Variants in NRXN1 observed in about 807,000 individuals in gnomAD.
NRXN1 encodes neurexin-1.
Under a neutral mutation model 150.9 loss-of-function variants are expected in NRXN1, and 39 were observed. The ratio of observed to expected loss-of-function variants is 0.26; its 90% CI spans 0.20 to 0.34. The LOEUF (loss-of-function observed/expected upper bound fraction) is 0.34. Ranked by LOEUF, NRXN1 falls within the 10% of genes least tolerant of loss-of-function variation. The pLI is 1.00. For synonymous variants in NRXN1, 924 were observed against 757.0 expected, an observed-to-expected ratio of 1.22 and a Z score of -3.62; for missense variants, 1,815 against 1,949.9, an observed-to-expected ratio of 0.93 and a Z score of 1.30.
intron 18 of NRXN1, among the ~76,000 whole-genome samples, chr2:50,217,050 C>G (rs190012496): frequency 6.6e-6 from 1 of 152,016 alleles, no homozygotes; most frequent in East Asian, 1.9e-4. Flanking sequence ...TTTCTGTGAT[C>G]GTGGTAAAAC....
intron 5 of NRXN1, among the ~76,000 whole-genome samples, chr2:50,756,844 G>A (rs988970652): frequency 1.3e-5 from 2 of 151,672 alleles, no homozygotes; most frequent in Non-Finnish European, 2.9e-5. Flanking sequence ...TCTCTTATAA[G>A]AGCATATTTG....
At chr2:50,158,205 T>C (rs1175687311) in intron 18 of NRXN1, among the ~76,000 whole-genome samples, 1 of 151,044 alleles carries the variant, frequency 6.6e-6, no homozygotes, top group African/African-American at 2.4e-5. Context: ...TTAAATAGAA[T>C]CCACATCATT....
intron 22 of NRXN1, among the ~76,000 whole-genome samples, chr2:49,936,011 A>G (rs145891006): frequency 2.0e-5 from 3 of 152,276 alleles, no homozygotes; most frequent in East Asian, 3.9e-4. Context: ...GCATCTTCCA[A>G]TAAAAAATTG....
At chr2:50,893,794 A>T (rs927506999) in intron 5 of NRXN1, among the ~76,000 whole-genome samples, 2 of 152,058 alleles carry the variant, frequency 1.3e-5, no homozygotes, top group African/African-American at 4.8e-5. Flanking sequence ...TTTTTTCAAC[A>T]ATTTATTAAA....
In NRXN1 at chr2:50,159,413, C is replaced by T. The variant is rs149600010; in HGVS notation, c.3547-67919G>A. 7.2e-5 allele frequency among the ~76,000 whole-genome samples: 11 copies of T among 152,168 alleles called. No homozygotes were observed. The East Asian group carries it at 2.1e-3, about 30-fold the overall frequency. ...ATTTACTGTTCTATCATTGGAAGAA[C>T]TGCAAGTATTTTTTGCTCCCCACAA... On this transcript the variant is annotated intron_variant, in intron 18 of 22. Transcript: ENST00000401669.
chr2:50,450,456 C>T (rs1009825830), intron 17 of NRXN1, among the ~76,000 whole-genome samples: 3 of 150,844 alleles, frequency 2.0e-5, no homozygotes, highest in Non-Finnish European at 4.4e-5. Context: ...AAAAAAATCC[C>T]TTCTATCCTG....
chr2:50,621,189 T>C (rs1679950677), intron 7 of NRXN1, 37 bp downstream of exon 7: 1 of 1,538,694 alleles, frequency 6.5e-7, no homozygotes, highest in Non-Finnish European at 8.8e-7. Flanking sequence ...TAAGAAACAA[T>C]TAGAATGATA....
intron 19 of NRXN1, 97 bp downstream of exon 19, chr2:50,091,226 A>G: frequency 7.1e-7 from 1 of 1,416,476 alleles, no homozygotes; most frequent in South Asian, 1.2e-5. Context: ...ATGGTTTCTC[A>G]GAAAACCACA....
chr2:50,800,172 C>G (rs1449179750), intron 5 of NRXN1, among the ~76,000 whole-genome samples: 1 of 152,126 alleles, frequency 6.6e-6, no homozygotes, highest in Non-Finnish European at 1.5e-5. Context: ...ATTGCTTATA[C>G]TGAGTTCAAA....
At position 50,346,600 on chromosome 2, in the gene NRXN1, T is replaced by G. The variant is rs557442894; in HGVS notation, c.3365-109630A>C. On this transcript the variant is annotated intron_variant, in intron 17 of 22. Transcript: ENST00000401669. This position sits in a 1 kb window ranked among gnomAD's most constrained non-coding sequence, Gnocchi z 5.0. ...CACCTCCCTTTTGTCGAGCTCCCAT[T>G]TCTCTGAGCCTTAGGAGCCCAGGAG... 1.7e-4 allele frequency: 238 copies of G among 1,397,440 alleles called. No individual in the cohort carries two copies. The African/African-American group carries it at 3.1e-3, about 18-fold the overall frequency. The allele number at this position is 1,397,440 out of a possible 1,614,324, so 86.6% of individuals were successfully genotyped here.
At chr2:50,362,691 G>A (rs2079306260) in intron 17 of NRXN1, among the ~76,000 whole-genome samples, 1 of 152,272 alleles carries the variant, frequency 6.6e-6, no homozygotes. Context: ...TGCATTTAAT[G>A]TTTTTCCCAT....
intron 5 of NRXN1, among the ~76,000 whole-genome samples, chr2:50,912,450 G>A (rs1336508212): frequency 6.6e-6 from 1 of 151,860 alleles, no homozygotes; most frequent in Admixed American, 6.6e-5. Context: ...GTCCTGTCCT[G>A]TTGCAATAAA....
At chr2:49,937,984 T>A (rs1377754720) in intron 22 of NRXN1, among the ~76,000 whole-genome samples, 1 of 152,148 alleles carries the variant, frequency 6.6e-6, no homozygotes, top group African/African-American at 2.4e-5. Flanking sequence ...TGAATAGAAA[T>A]CCCTTGACCT....
At chr2:50,954,033 A>C (rs1173199886) in intron 2 of NRXN1, among the ~76,000 whole-genome samples, 1 of 152,164 alleles carries the variant, frequency 6.6e-6, no homozygotes, top group Non-Finnish European at 1.5e-5. Flanking sequence ...CCACCCTCCT[A>C]AATAAATGCA....
At chr2:50,082,028 T>G (rs1487384986) in intron 19 of NRXN1, among the ~76,000 whole-genome samples, 2 of 152,140 alleles carry the variant, frequency 1.3e-5, no homozygotes, top group Admixed American at 1.3e-4. Flanking sequence ...CCATCTGAAG[T>G]TTCCTAAAAA....
At chr2:49,986,521 A>G (rs1467390608) in intron 21 of NRXN1, among the ~76,000 whole-genome samples, 3 of 152,152 alleles carry the variant, frequency 2.0e-5, no homozygotes, top group Non-Finnish European at 4.4e-5. Context: ...CTATTGCAAT[A>G]TTTCATGTCA....
intron 5 of NRXN1, among the ~76,000 whole-genome samples, chr2:50,776,561 C>A (rs1703661744): frequency 1.3e-5 from 2 of 150,696 alleles, no homozygotes; most frequent in African/African-American, 4.9e-5. Context: ...TTAACAAAAT[C>A]TAATGTGTAT....
chr2:50,219,928 T>TATATATATTATATATTATATATATA (rs2063690116), intron 18 of NRXN1, among the ~76,000 whole-genome samples: 4 of 78,452 alleles, frequency 5.1e-5, no homozygotes, highest in African/African-American at 2.9e-4. Context: ...CTCTCTATAT[T>TATATATATTATATATTATATATATA]ATATATATTA....
At chr2:50,940,473 CAAAAA>C (rs748999405) in intron 2 of NRXN1, among the ~76,000 whole-genome samples, 1 of 75,130 alleles carries the variant, frequency 1.3e-5, no homozygotes. Flanking sequence ...GACTCCATCT[CAAAAA>C]AAAAAAAAAA....
Sources: gnomAD v4.1 joint callset for allele counts (sites outside exome capture counted in the v4.1 genomes callset) on GRCh38, gnomAD v4.1.1 for gene constraint, Gnocchi (gnomAD v3.1) non-coding constraint, MANE v1.5 for transcripts, NCBI Gene and HGNC (gene_info 2026-07-23, HGNC 2026-07-21) for gene names.